HMCN1: variants seen among roughly 807,000 people sequenced by gnomAD.
HMCN1 encodes hemicentin-1.
In HMCN1, 321 loss-of-function variants were observed where a neutral mutation model predicts 625.9. The observed-to-expected ratio is 0.51, with a 90% confidence interval of 0.47 to 0.56. HMCN1 has a LOEUF of 0.56. Ranked by LOEUF, HMCN1 falls within the 20% of genes least tolerant of loss-of-function variation. The probability of loss-of-function intolerance (pLI) is 0.00; values close to 1 mark genes in which losing one functional copy is unlikely to be tolerated. For missense variants in HMCN1, 6,588 were observed against 6,887.3 expected (o/e 0.96, Z 1.54); for synonymous variants, 2,425 against 2,417.6 (o/e 1.00, Z -0.09).
At chr1:185,852,577 T>TACACACAC (rs67719442) in intron 2 of HMCN1, among the ~76,000 whole-genome samples, 19 of 135,606 alleles carry the variant, frequency 1.4e-4, no homozygotes, top group East Asian at 1.3e-3. Context: ...ACAAATATCC[T>TACACACAC]ACACACACAC....
intron 11 of HMCN1, among the ~76,000 whole-genome samples, chr1:185,940,829 T>C (rs931280578): frequency 2.6e-5 from 4 of 152,158 alleles, no homozygotes; most frequent in African/African-American, 9.7e-5. Context: ...AATGGCACGA[T>C]CTTGGCTCAC....
At chr1:186,117,338 CT>C in intron 76 of HMCN1, 120 bp from the exon 77 acceptor site, 2 of 1,264,814 alleles carry the variant, frequency 1.6e-6, no homozygotes, top group Admixed American at 1.9e-5. Flanking sequence ...GGAGGAATCC[CT>C]TTTCTACTTA....
At chr1:186,077,552 T>G (rs189023771) in intron 54 of HMCN1, among the ~76,000 whole-genome samples, 8 of 152,228 alleles carry the variant, frequency 5.3e-5, no homozygotes, top group African/African-American at 7.2e-5. Context: ...CAGAGAGAGA[T>G]AAGGCAAATG....
intron 36 of HMCN1, among the ~76,000 whole-genome samples, chr1:186,030,028 T>C (rs1655320380): frequency 6.6e-6 from 1 of 152,134 alleles, no homozygotes; most frequent in Admixed American, 6.5e-5. Flanking sequence ...AGTTCCCAAA[T>C]TTTCTTTCAT....
chr1:185,735,465 ACT>A (rs984085596), intron 1 of HMCN1, among the ~76,000 whole-genome samples: 3 of 152,158 alleles, frequency 2.0e-5, no homozygotes, highest in Admixed American at 6.5e-5. Flanking sequence ...TCTGAGGGTA[ACT>A]CTCATTTAAG....
intron 28 of HMCN1, among the ~76,000 whole-genome samples, chr1:186,003,425 A>G (rs951693802): frequency 6.6e-6 from 1 of 152,138 alleles, no homozygotes; most frequent in African/African-American, 2.4e-5. Flanking sequence ...CTGATCACTT[A>G]CATTCTAAAC....
rs781359511 is a variant in HMCN1, at chr1:185,923,575, C to G, written c.1207C>G (p.Leu403Val). The G allele has an allele frequency of 8.1e-6, 13 of 1,608,878 alleles. No homozygotes were observed. The highest frequency in any genetic ancestry group is 1.1e-5 in the Non-Finnish European group (13 of 1,176,506). Residue 403 changes from leucine to valine, a missense_variant, in exon 8 of 107, where the codon CTC becomes GTC. Around this residue, in one of 3 missense-constraint regions of HMCN1, gnomAD observed 4,628 missense variants for 4,853.1 expected, o/e 0.95. Coordinates refer to ENST00000271588, the MANE Select transcript of HMCN1 (RefSeq NM_031935.3). The stretch of plus-strand genomic sequence containing the variant: ...TGTACCACCAAATGAAGCTTTCTTT[C>G]TCAAAGTAACAGGCTATGATAAAGA... ...DFVPPNEAFF[L>V]KVTGYDKDDY...
intron 4 of HMCN1, among the ~76,000 whole-genome samples, chr1:185,890,021 T>A (rs1272808127): frequency 6.6e-6 from 1 of 151,346 alleles, no homozygotes; most frequent in Non-Finnish European, 1.5e-5. Context: ...ATTCAACTTC[T>A]TCCTGGTTTA....
intron 103 of HMCN1, among the ~76,000 whole-genome samples, chr1:186,174,986 A>G (rs146695958): frequency 3.9e-5 from 6 of 152,324 alleles, no homozygotes; most frequent in Admixed American, 3.9e-4. Flanking sequence ...GTTTGCATAG[A>G]TACATTTTAT....
chr1:186,114,101 G>C lies in HMCN1; in HGVS notation c.11254G>C (p.Val3752Leu), dbSNP rs1335480801. ...PRITWRKDGA[V>L]LAGNHARYSI... Reference sequence around the variant, plus strand: ...GATAACATGGAGAAAGGATGGAGCTGTTCTAGCTGGGAATCATGCAAGGTA... The same window carrying C: ...GATAACATGGAGAAAGGATGGAGCTCTTCTAGCTGGGAATCATGCAAGGTA... Residue 3752 changes from valine (V) to leucine (L), a missense_variant, in exon 73 of 107, where the codon GTT becomes CTT. Val to Leu is a conservative substitution (Grantham distance 32). Coordinates refer to ENST00000271588, the MANE Select transcript of HMCN1 (RefSeq NM_031935.3). 6.2e-7 allele frequency: 1 copy of C among 1,613,952 alleles called. No individual in the cohort carries two copies. Among genetic ancestry groups the C allele is most frequent in the Non-Finnish European group, 8.5e-7 (1 of 1,179,966 alleles).
rs771009311 is a variant in HMCN1 at position 185,925,168 on chromosome 1, A to G, written c.1407A>G (p.Thr469=). Residue 469 remains threonine, a synonymous_variant, in exon 9 of 107, where the codon ACA becomes ACG. Coordinates refer to ENST00000271588, the MANE Select transcript of HMCN1 (RefSeq NM_031935.3). The part of the protein sequence containing the change: ...FTLSFVRNGV[T]LGVDQYLKES... ...TGAGCTTTGTCAGAAATGGAGTTAC[A>G]CTTGGAGTAGACCAGTATTTGAAGT... The G allele has an allele frequency of 4.3e-6, 7 of 1,613,952 alleles. No individual in the cohort carries two copies. Among genetic ancestry groups the G allele is most frequent in the South Asian group, 3.3e-5 (3 of 91,066 alleles).
At chr1:185,880,231 C>T (rs113709695) in intron 4 of HMCN1, among the ~76,000 whole-genome samples, 8 of 151,940 alleles carry the variant, frequency 5.3e-5, no homozygotes, top group Non-Finnish European at 1.0e-4. Context: ...TTGGAAGTCA[C>T]GGTGAAGACT....
Position 186,153,921 on chromosome 1 carries a change from G to A in HMCN1, c.15190G>A (p.Val5064Met). 1 of 1,614,088 alleles carries A rather than the reference G, an allele frequency of 6.2e-7. No homozygotes were observed. Among genetic ancestry groups the A allele is most frequent in the Non-Finnish European group, 8.5e-7 (1 of 1,179,992 alleles). ...GGTTGAAACACTTCATGCATCCTCT[G>A]TGGAATCTGACTATAACCAGATAGA... is the stretch of plus-strand genomic sequence containing the variant. ...FLVETLHASSVESDYNQIEET... is the reference protein window; with the variant it reads ...FLVETLHASSMESDYNQIEET... The change falls in exon 97 of 107, where the codon GTG becomes ATG. Residue 5064 changes from valine (V) to methionine (M), a missense_variant. By Grantham distance (21) the Val-to-Met change is conservative. Coordinates refer to ENST00000271588, the MANE Select transcript of HMCN1 (RefSeq NM_031935.3).
chr1:185,905,843 C>T (rs1270828262), intron 4 of HMCN1, among the ~76,000 whole-genome samples: 2 of 151,772 alleles, frequency 1.3e-5, no homozygotes, highest in East Asian at 3.9e-4. Flanking sequence ...TACGAGAACT[C>T]TCAAATATCA....
chr1:185,928,703 A>G, intron 10 of HMCN1, 36 bp downstream of exon 10: 2 of 1,607,368 alleles, frequency 1.2e-6, no homozygotes, highest in Non-Finnish European at 1.7e-6. Context: ...TTGCCCAAGT[A>G]TTAATGCAGC....
chr1:186,097,895 C>T (rs1354764176), intron 68 of HMCN1, among the ~76,000 whole-genome samples: 7 of 152,240 alleles, frequency 4.6e-5, no homozygotes, highest in Non-Finnish European at 7.4e-5. Flanking sequence ...GAAATAAATT[C>T]ATGCATCTAC....
chr1:185,797,312 G>A (rs905503375), intron 1 of HMCN1, among the ~76,000 whole-genome samples: 4 of 151,894 alleles, frequency 2.6e-5, no homozygotes, highest in Non-Finnish European at 5.9e-5. Context: ...TTTTTTGGTT[G>A]GTTGTTTTTG....
chr1:186,086,443 T>C, intron 58 of HMCN1, 36 bp downstream of exon 58: 1 of 1,598,462 alleles, frequency 6.3e-7, no homozygotes, highest in Non-Finnish European at 8.6e-7. Context: ...GGCAAAATTT[T>C]CTCATCTTTA....
chr1:185,877,334 T>C (rs1258371034), intron 4 of HMCN1, among the ~76,000 whole-genome samples: 3 of 138,942 alleles, frequency 2.2e-5, no homozygotes, highest in Admixed American at 7.1e-5. Context: ...TTTTTTTTTT[T>C]TTTTTTTTTT....
Sources: allele counts gnomAD v4.1 joint callset (sites outside exome capture counted in the v4.1 genomes callset), GRCh38; gene constraint gnomAD v4.1.1; regional missense constraint gnomAD v4.1.1; transcripts MANE v1.5; gene names NCBI Gene and HGNC (gene_info 2026-07-23, HGNC 2026-07-21).